DLGAP2: variants seen among roughly 807,000 people sequenced by gnomAD.
DLGAP2 encodes disks large-associated protein 2.
DLGAP2 carries 26 observed loss-of-function variants against 100.3 expected under a neutral mutation model. That is an observed-to-expected ratio of 0.26 (90% CI 0.19 to 0.36). The LOEUF is 0.36. DLGAP2 is among the 10% of genes least tolerant of loss of function. The pLI is 1.00. For synonymous variants in DLGAP2, 886 were observed against 630.1 expected (o/e 1.41, Z -6.08); for missense variants, 1,858 against 1,453.2 (o/e 1.28, Z -4.53).
chr8:1,076,546 G>A (rs1037985084), intron 2 of DLGAP2, among the ~76,000 whole-genome samples: 3 of 152,238 alleles, frequency 2.0e-5, no homozygotes, highest in Non-Finnish European at 4.4e-5. Context: ...GTGATGCTCC[G>A]GCCAGGGCCA....
intron 2 of DLGAP2, among the ~76,000 whole-genome samples, chr8:958,478 A>G (rs2129009357): frequency 6.7e-6 from 1 of 149,204 alleles, no homozygotes; most frequent in Non-Finnish European, 1.5e-5. Context: ...TTCTGTGGGG[A>G]TGAGAGATGG....
intron 1 of DLGAP2, among the ~76,000 whole-genome samples, chr8:861,172 A>C (rs1159685215): frequency 2.6e-5 from 4 of 152,058 alleles, no homozygotes; most frequent in Non-Finnish European, 5.9e-5. Flanking sequence ...ACATGCACAG[A>C]CTTCTTTTGG....
chr8:1,697,176 G>A lies in DLGAP2; in HGVS notation c.2826G>A (p.Ser942=), dbSNP rs370484849. The A allele has an allele frequency of 4.1e-4, 651 of 1,605,420 alleles. 1 individual carries two copies. The African/African-American group carries it at 6.6e-3, about 16-fold the overall frequency. ...MDPSAMPRPT[S]QDLAGYWDML... ...CCAGCGCCATGCCGAGGCCGACGTC[G>A]CAGGACCTGGCCGGCTACTGGGACA... Residue 942 remains serine, a synonymous_variant, in exon 14 of 15, where the codon TCG becomes TCA. Transcript: ENST00000637795.
At chr8:752,499 G>A (rs1392003360) in intron 1 of DLGAP2, among the ~76,000 whole-genome samples, 1 of 152,116 alleles carries the variant, frequency 6.6e-6, no homozygotes, top group Non-Finnish European at 1.5e-5. Context: ...GGCAGGGCCC[G>A]GTCAGCACCA....
chr8:1,378,986 A>G (rs892896709), intron 3 of DLGAP2, among the ~76,000 whole-genome samples: 8 of 152,224 alleles, frequency 5.3e-5, no homozygotes, highest in Non-Finnish European at 7.3e-5. Context: ...CCACCACAGC[A>G]TGTGTCCCCT....
At chr8:931,022 AC>A (rs1484712326) in intron 2 of DLGAP2, among the ~76,000 whole-genome samples, 1 of 152,094 alleles carries the variant, frequency 6.6e-6, no homozygotes, top group Admixed American at 6.5e-5. Flanking sequence ...TGACATAATC[AC>A]AGAATTGTCT....
chr8:1,126,246 G>T (rs1201075166), intron 2 of DLGAP2, among the ~76,000 whole-genome samples: 1 of 152,188 alleles, frequency 6.6e-6, no homozygotes, highest in Non-Finnish European at 1.5e-5. Context: ...TCAAAAATAG[G>T]TTGATTTTTT....
At chr8:1,066,042 C>G (rs79595383) in intron 2 of DLGAP2, among the ~76,000 whole-genome samples, 1 of 152,198 alleles carries the variant, frequency 6.6e-6, no homozygotes, top group Non-Finnish European at 1.5e-5. Flanking sequence ...TAGGTCCGCT[C>G]GCTGGCTTGT....
intron 2 of DLGAP2, among the ~76,000 whole-genome samples, chr8:1,065,242 T>G (rs1803209722): frequency 1.3e-5 from 2 of 152,244 alleles, no homozygotes; most frequent in Admixed American, 1.3e-4. Flanking sequence ...GATACAGCCA[T>G]TGCCAGGAAT....
intron 2 of DLGAP2, among the ~76,000 whole-genome samples, chr8:1,072,143 G>T (rs1803451854): frequency 6.6e-6 from 1 of 152,174 alleles, no homozygotes; most frequent in African/African-American, 2.4e-5. Context: ...CAGTGGAGGG[G>T]GTGCGGGTTT....
At chr8:1,237,444 G>A (rs1477101167) in intron 2 of DLGAP2, among the ~76,000 whole-genome samples, 80 of 139,490 alleles carry the variant, frequency 5.7e-4, no homozygotes, top group Middle Eastern at 4.1e-3. Flanking sequence ...CTCACATGGC[G>A]CCGTGTCTAG....
At chr8:1,681,690 C>T (rs976186282) in intron 12 of DLGAP2, among the ~76,000 whole-genome samples, 1 of 152,214 alleles carries the variant, frequency 6.6e-6, no homozygotes, top group Non-Finnish European at 1.5e-5. Flanking sequence ...TCCCTGAACA[C>T]ATATGATATG....
intron 2 of DLGAP2, among the ~76,000 whole-genome samples, chr8:1,018,126 C>A (rs1801523285): frequency 1.3e-5 from 2 of 151,518 alleles, no homozygotes; most frequent in African/African-American, 4.9e-5. Context: ...CCCTACAGGC[C>A]CTCCATCCTC....
chr8:1,461,111 G>A (rs1298503451), intron 3 of DLGAP2, among the ~76,000 whole-genome samples: 1 of 151,670 alleles, frequency 6.6e-6, no homozygotes, highest in Admixed American at 6.6e-5. Flanking sequence ...ACGTGGGCTG[G>A]GTGCAGTCGC....
At chr8:1,478,568 A>G (rs1799001990) in intron 3 of DLGAP2, among the ~76,000 whole-genome samples, 1 of 151,984 alleles carries the variant, frequency 6.6e-6, no homozygotes, top group Admixed American at 6.5e-5. Context: ...GGTCAAACCA[A>G]CAGAATAGAT....
chr8:923,281 G>C (rs572805809), intron 2 of DLGAP2, among the ~76,000 whole-genome samples: 20 of 152,306 alleles, frequency 1.3e-4, no homozygotes, highest in Middle Eastern at 3.4e-3. Flanking sequence ...GAGACGGCTG[G>C]TCTGTGTCAG....
chr8:1,133,871 T>C (rs1796347834), intron 2 of DLGAP2, among the ~76,000 whole-genome samples: 1 of 152,026 alleles, frequency 6.6e-6, no homozygotes, highest in Non-Finnish European at 1.5e-5. Flanking sequence ...TTAAGTTCAG[T>C]GGTACAAGTG....
chr8:1,173,881 C>T (rs1245598196), intron 2 of DLGAP2, among the ~76,000 whole-genome samples: 2 of 152,226 alleles, frequency 1.3e-5, no homozygotes, highest in Admixed American at 6.5e-5. Flanking sequence ...ACGGTGCACG[C>T]ACCCACTGAC....
intron 3 of DLGAP2, among the ~76,000 whole-genome samples, chr8:1,385,785 T>C (rs60947177): frequency 0.49 from 65,563 of 132,812 alleles, 15,082 homozygotes; most frequent in East Asian, 0.65. Flanking sequence ...GGTGCACAGT[T>C]ACCCGGCCTG....
Sources: allele counts gnomAD v4.1 joint callset (sites outside exome capture counted in the v4.1 genomes callset), GRCh38; gene constraint gnomAD v4.1.1; transcripts MANE v1.5; gene names NCBI Gene and HGNC (gene_info 2026-07-23, HGNC 2026-07-21).